Variants in COL23A1 observed in about 807,000 individuals in gnomAD.
COL23A1 encodes collagen alpha-1(XXIII) chain.
Under a neutral mutation model 99.3 loss-of-function variants are expected in COL23A1, and 97 were observed. The observed-to-expected ratio is 0.98, with a 90% CI of 0.83 to 1.16. The LOEUF is 1.16. Ranked by LOEUF, COL23A1 falls within the 50% of genes most tolerant of loss-of-function variation. COL23A1 has a pLI of 0.00. For missense variants in COL23A1, 762 were observed against 757.4 expected, an observed-to-expected ratio of 1.01 and a Z score of -0.07; for synonymous variants, 320 against 308.2, an observed-to-expected ratio of 1.04 and a Z score of -0.40.
chr5:178,265,468 T>C (rs1448185966), intron 8 of COL23A1, among the ~76,000 whole-genome samples: 1 of 152,158 alleles, frequency 6.6e-6, no homozygotes. Flanking sequence ...TAGACTCTAC[T>C]TATTAAGGCA....
chr5:178,313,980 C>G lies in COL23A1; in HGVS notation c.362-7061G>C, dbSNP rs1048674013. ...AAACTGCCCAACAAGGGAGCATTCT[C>G]TCTGCACATTCCCAGCTTGGCCTCA... is the stretch of plus-strand genomic sequence containing the variant. On this transcript the variant is annotated intron_variant, in intron 2 of 28. Transcript: ENST00000390654. The surrounding 1 kb of genome is among the most constrained non-coding windows in gnomAD (Gnocchi z 4.2). 2.0e-5 allele frequency among the ~76,000 whole-genome samples: 3 copies of G among 152,086 alleles called. No individual in the cohort carries two copies. The highest frequency in any genetic ancestry group is 4.4e-5 in the Non-Finnish European group (3 of 68,016).
At chr5:178,442,611 A>G (rs58054056) in intron 2 of COL23A1, among the ~76,000 whole-genome samples, 4,191 of 152,252 alleles carry the variant, frequency 0.028, 195 homozygotes, top group African/African-American at 0.094. Context: ...GGGGCCTCAC[A>G]AATCGCTCAG....
chr5:178,491,591 C>G (rs1230465042), intron 2 of COL23A1, among the ~76,000 whole-genome samples: 1 of 152,116 alleles, frequency 6.6e-6, no homozygotes, highest in African/African-American at 2.4e-5. Flanking sequence ...TGGGTCATAA[C>G]AGGGTGTGGC....
intron 1 of COL23A1, among the ~76,000 whole-genome samples, chr5:178,561,677 G>T (rs1467045416): frequency 1.3e-5 from 2 of 151,960 alleles, no homozygotes; most frequent in Non-Finnish European, 2.9e-5. Flanking sequence ...CCTTTCTCTA[G>T]GGGAAAAAAA....
intron 2 of COL23A1, among the ~76,000 whole-genome samples, chr5:178,426,818 G>C (rs760305704): frequency 2.0e-5 from 3 of 152,244 alleles, no homozygotes; most frequent in Non-Finnish European, 4.4e-5. Flanking sequence ...GGCCTTCACA[G>C]ATTCCTCATC....
intron 27 of COL23A1, among the ~76,000 whole-genome samples, chr5:178,241,378 G>A (rs1449045571): frequency 6.6e-6 from 1 of 152,118 alleles, no homozygotes; most frequent in Non-Finnish European, 1.5e-5. Context: ...TGGGGAAGAG[G>A]GAGGTGCTGC....
chr5:178,573,894 T>C (rs1763225897), intron 1 of COL23A1, among the ~76,000 whole-genome samples: 1 of 152,126 alleles, frequency 6.6e-6, no homozygotes, highest in Non-Finnish European at 1.5e-5. Context: ...AGTCTCGCTC[T>C]GTCACCCAGG....
intron 2 of COL23A1, among the ~76,000 whole-genome samples, chr5:178,446,290 C>G (rs923965308): frequency 6.6e-6 from 1 of 151,330 alleles, no homozygotes; most frequent in Non-Finnish European, 1.5e-5. Flanking sequence ...AAGATGTTCA[C>G]ACAAGCATAA....
intron 5 of COL23A1, among the ~76,000 whole-genome samples, chr5:178,273,157 G>A (rs1756390015): frequency 2.0e-5 from 3 of 152,220 alleles, no homozygotes; most frequent in South Asian, 2.1e-4. Flanking sequence ...TGTGAAGCAC[G>A]CAGAGCCACA....
In COL23A1 at chr5:178,590,112, G is replaced by T. The variant is rs1041307771; in HGVS notation, c.86C>A (p.Thr29Lys). 10 of 1,252,132 alleles carry T rather than the reference G, an allele frequency of 8.0e-6. No individual in the cohort carries two copies. Among genetic ancestry groups the T allele is most frequent in the Non-Finnish European group, 1.0e-5 (10 of 1,000,012 alleles). 77.6% of individuals were successfully genotyped at this position (1,252,132 alleles called of 1,614,324 possible). A position where few individuals can be genotyped will look rare whatever the true frequency, so the allele number is the denominator to read the frequency against. ...GCTCACCGCCCGGGACCCGGCCGTC[G>T]TCGCCGAGCGCCCTCCGCCGCCGCC... ...AGGGGGGRSATTAGSRAVSAL... is the reference protein window; with the variant it reads ...AGGGGGGRSAKTAGSRAVSAL... Residue 29 changes from threonine (T) to lysine (K), a missense_variant, in exon 1 of 29, where the codon ACG becomes AAG. Transcript: ENST00000390654. The surrounding 1 kb of genome is among the most constrained non-coding windows in gnomAD (Gnocchi z 5.7).
At chr5:178,501,381 G>A (rs1214769082) in intron 2 of COL23A1, among the ~76,000 whole-genome samples, 1 of 152,066 alleles carries the variant, frequency 6.6e-6, no homozygotes, top group Non-Finnish European at 1.5e-5. Flanking sequence ...TCAGGAGTTC[G>A]AGACCAGCCT....
chr5:178,264,541 G>T (rs1765807267), intron 8 of COL23A1, among the ~76,000 whole-genome samples: 1 of 152,110 alleles, frequency 6.6e-6, no homozygotes, highest in Non-Finnish European at 1.5e-5. Context: ...ACTCGCACAG[G>T]GCAGAGCCAC....
intron 2 of COL23A1, among the ~76,000 whole-genome samples, chr5:178,504,201 G>A (rs531766591): frequency 2.0e-5 from 3 of 152,074 alleles, no homozygotes; most frequent in South Asian, 2.1e-4. Flanking sequence ...TCGCACCCCC[G>A]ACCCCCGATT....
intron 2 of COL23A1, among the ~76,000 whole-genome samples, chr5:178,325,240 T>A (rs956749913): frequency 1.3e-5 from 2 of 152,164 alleles, no homozygotes; most frequent in African/African-American, 4.8e-5. Context: ...TCCCTACCCT[T>A]TAGTCAGGGC....
At chr5:178,357,736 GTATGTACGTGTA>G (rs780603825) in intron 2 of COL23A1, among the ~76,000 whole-genome samples, 4 of 150,008 alleles carry the variant, frequency 2.7e-5, no homozygotes, top group Admixed American at 6.6e-5. Context: ...GTGTGTGTGT[GTATGTACGTGTA>G]TGTGTGTGTG....
At chr5:178,383,464 G>T (rs1184942856) in intron 2 of COL23A1, among the ~76,000 whole-genome samples, 3 of 152,190 alleles carry the variant, frequency 2.0e-5, no homozygotes, top group Non-Finnish European at 4.4e-5. Context: ...GCCCCTTCCC[G>T]GCTCCCAGGG....
intron 2 of COL23A1, among the ~76,000 whole-genome samples, chr5:178,557,068 T>C (rs1439949873): frequency 2.6e-5 from 4 of 152,180 alleles, no homozygotes; most frequent in African/African-American, 9.7e-5. Flanking sequence ...AAGTCCAAGG[T>C]GTCTGCGGGG....
At chr5:178,442,122 C>T (rs1225614277) in intron 2 of COL23A1, among the ~76,000 whole-genome samples, 1 of 151,946 alleles carries the variant, frequency 6.6e-6, no homozygotes, top group Non-Finnish European at 1.5e-5. Context: ...GAGCCTGGCC[C>T]CTGCTTTCTC....
chr5:178,373,705 C>T lies in COL23A1; in HGVS notation c.362-66786G>A, dbSNP rs185787659. On this transcript the variant is annotated intron_variant, in intron 2 of 28. Coordinates refer to ENST00000390654, the MANE Select transcript of COL23A1 (RefSeq NM_173465.4). Reference sequence around the variant, plus strand: ...TGCTGGGATTACAGGTGTGAGCCACCGTCCTTGGCCCTGCCGTGCACTTTA... The same window carrying T: ...TGCTGGGATTACAGGTGTGAGCCACTGTCCTTGGCCCTGCCGTGCACTTTA... Among the ~76,000 whole-genome samples, 426 of 152,334 alleles carry T rather than the reference C, an allele frequency of 2.8e-3. 2 individuals carry two copies. Among genetic ancestry groups the T allele is most frequent in the African/African-American group, 9.5e-3 (395 of 41,572 alleles).
Sources: allele counts gnomAD v4.1 joint callset (sites outside exome capture counted in the v4.1 genomes callset), GRCh38; gene constraint gnomAD v4.1.1; non-coding constraint Gnocchi (gnomAD v3.1); transcripts MANE v1.5; gene names NCBI Gene and HGNC (gene_info 2026-07-23, HGNC 2026-07-21).